Variants in MED27 observed in about 807,000 individuals in gnomAD.
The protein encoded by MED27 is mediator complex subunit 27.
A neutral mutation model predicts 38.2 loss-of-function variants in MED27; 30 were observed. That is an observed-to-expected ratio of 0.79 (90% CI 0.59 to 1.07). MED27 has a LOEUF of 1.07. MED27 is among the 50% of genes least tolerant of loss of function. MED27 has a pLI of 0.00. For missense variants in MED27, 289 were observed against 397.5 expected (o/e 0.73, Z 2.32); for synonymous variants, 122 against 153.5 (o/e 0.79, Z 1.52).
At position 131,956,992 on chromosome 9, in the gene MED27, G is replaced by A. The variant is rs183139305; in HGVS notation, c.480-17518C>T. On this transcript the variant is annotated intron_variant, in intron 3 of 7. Transcript: ENST00000292035. ...CAAAGGAAAATGCAAAATGTACTTGGCCTGCACTAGAATGGCTAAAATAAC... is the reference window on the plus strand; with the variant it reads ...CAAAGGAAAATGCAAAATGTACTTGACCTGCACTAGAATGGCTAAAATAAC... Among the ~76,000 whole-genome samples, 854 of 152,282 alleles carry A rather than the reference G, an allele frequency of 5.6e-3. 7 individuals are homozygous for A. The highest frequency in any genetic ancestry group is 8.8e-3 in the Non-Finnish European group (602 of 68,030).
intron 6 of MED27, among the ~76,000 whole-genome samples, chr9:131,868,071 A>G (rs926654208): frequency 2.0e-5 from 3 of 152,222 alleles, no homozygotes; most frequent in Non-Finnish European, 4.4e-5. Flanking sequence ...CACAGTGGGC[A>G]CTGTGGGGTG....
chr9:132,061,973 G>A (rs1197168863), intron 2 of MED27, among the ~76,000 whole-genome samples: 2 of 152,194 alleles, frequency 1.3e-5, no homozygotes, highest in African/African-American at 4.8e-5. Context: ...AGCTGTGAGT[G>A]GAATGCATAA....
intron 3 of MED27, among the ~76,000 whole-genome samples, chr9:131,954,546 T>C (rs1364926578): frequency 6.6e-6 from 1 of 152,198 alleles, no homozygotes. Context: ...GCCTCAGCTG[T>C]GATCTCCTGA....
chr9:131,913,857 C>T lies in MED27; in HGVS notation c.574-19865G>A, dbSNP rs902111132. ...CCTGAGCCACTGGCGTGGTACCAAA[C>T]GCAGGACAGCACTCTGCCAGTCTTT... is the stretch of plus-strand genomic sequence containing the variant. On this transcript the variant is annotated intron_variant, in intron 4 of 7. Coordinates refer to ENST00000292035, the MANE Select transcript of MED27 (RefSeq NM_004269.4). The surrounding 1 kb of genome is among the most constrained non-coding windows in gnomAD (Gnocchi z 4.5). Among the ~76,000 whole-genome samples the T allele has an allele frequency of 1.3e-5, 2 of 152,188 alleles. No homozygotes were observed. Among genetic ancestry groups the T allele is most frequent in the Non-Finnish European group, 2.9e-5 (2 of 68,036 alleles).
intron 3 of MED27, among the ~76,000 whole-genome samples, chr9:131,972,653 G>T (rs1010309232): frequency 1.3e-5 from 2 of 152,216 alleles, no homozygotes; most frequent in Non-Finnish European, 2.9e-5. Context: ...AATGAAGAGA[G>T]ACTCAGGTAG....
At chr9:131,992,577 T>G (rs546450192) in intron 3 of MED27, among the ~76,000 whole-genome samples, 4 of 152,064 alleles carry the variant, frequency 2.6e-5, no homozygotes, top group African/African-American at 9.7e-5. Flanking sequence ...TTTAAAAAAA[T>G]TTTTGTAGAG....
At chr9:131,911,484 G>T (rs1208200206) in intron 4 of MED27, among the ~76,000 whole-genome samples, 3 of 152,166 alleles carry the variant, frequency 2.0e-5, no homozygotes, top group Non-Finnish European at 2.9e-5. Context: ...CCAAATAAGG[G>T]TTTGGAACAA....
At chr9:131,901,631 T>C (rs1829949846) in intron 4 of MED27, among the ~76,000 whole-genome samples, 1 of 152,062 alleles carries the variant, frequency 6.6e-6, no homozygotes, top group African/African-American at 2.4e-5. Context: ...TTTGAAAGGG[T>C]GGAGTTGGCT....
intron 6 of MED27, among the ~76,000 whole-genome samples, chr9:131,874,629 C>T (rs950432734): frequency 1.3e-5 from 2 of 152,130 alleles, no homozygotes; most frequent in African/African-American, 2.4e-5. Flanking sequence ...AGGATAGACA[C>T]GAGGGAACTT....
At chr9:131,942,139 A>C (rs1830799537) in intron 3 of MED27, among the ~76,000 whole-genome samples, 1 of 151,978 alleles carries the variant, frequency 6.6e-6, no homozygotes, top group Admixed American at 6.6e-5. Flanking sequence ...CTGATTTTTT[A>C]ATAGTTTAAT....
rs138499532 is a variant in MED27 at position 131,910,919 on chromosome 9, C to A, written c.574-16927G>T. Among the ~76,000 whole-genome samples, 707 of 152,256 alleles carry A rather than the reference C, an allele frequency of 4.6e-3. 3 individuals are homozygous for A. Among genetic ancestry groups the A allele is most frequent in the South Asian group, 0.01 (49 of 4,824 alleles). On this transcript the variant is annotated intron_variant, in intron 4 of 7. Coordinates refer to ENST00000292035, the MANE Select transcript of MED27 (RefSeq NM_004269.4). ...TTCCCATCTATCCCTCCCCACCCCC[C>A]ACAACCACCAGTTACCTCATCTGCC...
At chr9:132,001,823 G>A (rs1277589515) in intron 3 of MED27, among the ~76,000 whole-genome samples, 2 of 152,312 alleles carry the variant, frequency 1.3e-5, no homozygotes, top group East Asian at 1.9e-4. Flanking sequence ...AGCCTCCATC[G>A]CTGGAGCAAT....
chr9:131,990,236 T>C (rs1353756718), intron 3 of MED27, among the ~76,000 whole-genome samples: 2 of 152,186 alleles, frequency 1.3e-5, no homozygotes, highest in Admixed American at 6.5e-5. Context: ...CTTCCCATGA[T>C]TGAGCCCAAA....
intron 3 of MED27, among the ~76,000 whole-genome samples, chr9:131,950,721 C>A (rs1830979892): frequency 6.6e-6 from 1 of 152,182 alleles, no homozygotes; most frequent in African/African-American, 2.4e-5. Context: ...ATTTGTATGA[C>A]AGTAAGTTTG....
intron 3 of MED27, among the ~76,000 whole-genome samples, chr9:131,972,838 A>T (rs1831510663): frequency 6.6e-6 from 1 of 152,228 alleles, no homozygotes; most frequent in Admixed American, 6.5e-5. Context: ...ATCTGAGGTC[A>T]GCAGTTTGAG....
intron 4 of MED27, among the ~76,000 whole-genome samples, chr9:131,929,563 C>T (rs1190008865): frequency 6.6e-6 from 1 of 152,164 alleles, no homozygotes; most frequent in African/African-American, 2.4e-5. Context: ...AGTACAATCA[C>T]TATGGACTTT....
In MED27 at chr9:131,883,069, G is replaced by A. The variant is rs1839076326; in HGVS notation, c.723+989C>T. ...ATTATAGGCGCCCGCCACCATGCCC[G>A]GCTAATTTTATATTTTTAGTACAGA... On this transcript the variant is annotated intron_variant, in intron 6 of 7. Transcript: ENST00000292035. This position sits in a 1 kb window ranked among gnomAD's most constrained non-coding sequence, Gnocchi z 4.2. Among the ~76,000 whole-genome samples the A allele has an allele frequency of 1.3e-5, 2 of 152,076 alleles. No individual in the cohort carries two copies. Among genetic ancestry groups the A allele is most frequent in the South Asian group, 2.1e-4 (1 of 4,822 alleles).
chr9:131,908,473 G>A (rs1037832977), intron 4 of MED27, among the ~76,000 whole-genome samples: 1 of 152,328 alleles, frequency 6.6e-6, no homozygotes, highest in African/African-American at 2.4e-5. Context: ...AATCGGATGG[G>A]TGCCGTGTCT....
chr9:132,075,093 A>G lies in MED27; in HGVS notation c.348+2349T>C, dbSNP rs558935751. ...CACTAAAAATTAGAAAAATACATACAGTTTCATGAATAAAATATAATGTGA... is the reference window on the plus strand; with the variant it reads ...CACTAAAAATTAGAAAAATACATACGGTTTCATGAATAAAATATAATGTGA... On this transcript the variant is annotated intron_variant, in intron 2 of 7. Transcript: ENST00000292035. Among the ~76,000 whole-genome samples the G allele has an allele frequency of 1.2e-4, 18 of 152,360 alleles. No individual in the cohort carries two copies. In the South Asian group the frequency reaches 3.1e-3, roughly 26 times the overall value.
Sources: gnomAD v4.1 joint callset for allele counts (sites outside exome capture counted in the v4.1 genomes callset) on GRCh38, gnomAD v4.1.1 for gene constraint, Gnocchi (gnomAD v3.1) non-coding constraint, MANE v1.5 for transcripts, NCBI Gene and HGNC (gene_info 2026-07-23, HGNC 2026-07-21) for gene names.